Variants in RSPO2 observed in about 807,000 individuals in gnomAD.
RSPO2 encodes R-spondin-2.
A neutral mutation model predicts 30.9 loss-of-function variants in RSPO2; 14 were observed. The ratio of observed to expected loss-of-function variants is 0.45; its 90% confidence interval spans 0.30 to 0.71. The LOEUF (loss-of-function observed/expected upper bound fraction) is 0.71. Among genes scored for constraint, RSPO2 ranks in the 30% least tolerant of loss-of-function variants. The pLI, the probability that RSPO2 is intolerant of heterozygous loss-of-function variation, is 0.08. For synonymous variants in RSPO2, 107 were observed against 96.4 expected (o/e 1.11, Z -0.64); for missense variants, 264 against 301.9 (o/e 0.87, Z 0.93).
intron 5 of RSPO2, among the ~76,000 whole-genome samples, chr8:107,949,076 A>C (rs1193891811): frequency 6.7e-6 from 1 of 150,352 alleles, no homozygotes; most frequent in Admixed American, 6.7e-5. Context: ...GAAATAAGTT[A>C]TTTAGTGGTG....
chr8:107,980,035 C>G (rs544601336), intron 3 of RSPO2, among the ~76,000 whole-genome samples: 1 of 152,284 alleles, frequency 6.6e-6, no homozygotes, highest in South Asian at 2.1e-4. Context: ...TCAAGTGACT[C>G]TCTGCTATGA....
At chr8:107,913,497 G>T (rs571491015) in intron 5 of RSPO2, among the ~76,000 whole-genome samples, 16 of 152,152 alleles carry the variant, frequency 1.1e-4, no homozygotes, top group Middle Eastern at 3.4e-3. Flanking sequence ...CAAATATTTT[G>T]GTCACTTCAG....
intron 3 of RSPO2, among the ~76,000 whole-genome samples, chr8:107,971,786 G>A (rs1400441111): frequency 6.6e-6 from 1 of 152,298 alleles, no homozygotes; most frequent in Non-Finnish European, 1.5e-5. Context: ...TTCACTTGCA[G>A]AATCAAGTAC....
intron 3 of RSPO2, among the ~76,000 whole-genome samples, chr8:107,970,155 C>T (rs888150158): frequency 1.3e-5 from 2 of 152,146 alleles, no homozygotes; most frequent in Admixed American, 1.3e-4. Flanking sequence ...GTCTAAACAA[C>T]TCATGTCTGT....
intron 2 of RSPO2, among the ~76,000 whole-genome samples, chr8:108,014,641 C>A (rs1179572888): frequency 1.3e-5 from 2 of 150,956 alleles, no homozygotes; most frequent in Non-Finnish European, 2.9e-5. Flanking sequence ...GGGAGTTGAA[C>A]AATGAGAACA....
At chr8:108,012,667 C>A (rs912879615) in intron 2 of RSPO2, among the ~76,000 whole-genome samples, 3 of 152,104 alleles carry the variant, frequency 2.0e-5, no homozygotes, top group Non-Finnish European at 2.9e-5. Context: ...AGTAGGGGCT[C>A]TATTCCTATG....
At chr8:107,965,535 C>T (rs544881225) in intron 3 of RSPO2, among the ~76,000 whole-genome samples, 1 of 152,106 alleles carries the variant, frequency 6.6e-6, no homozygotes, top group Non-Finnish European at 1.5e-5. Context: ...CCAGAGGGGT[C>T]CACGTGGCAC....
At chr8:107,917,662 T>A (rs1034006943) in intron 5 of RSPO2, among the ~76,000 whole-genome samples, 2 of 152,178 alleles carry the variant, frequency 1.3e-5, no homozygotes, top group African/African-American at 4.8e-5. Context: ...TTATTTGGTA[T>A]GAAAGTCATA....
intron 5 of RSPO2, among the ~76,000 whole-genome samples, chr8:107,948,703 CA>C (rs1293312792): frequency 4.1e-4 from 62 of 151,692 alleles, no homozygotes; most frequent in Middle Eastern, 6.8e-3. Context: ...ACTGAAAATA[CA>C]AAAAAATTAG....
intron 5 of RSPO2, among the ~76,000 whole-genome samples, chr8:107,917,735 C>T (rs902213467): frequency 2.0e-5 from 3 of 152,102 alleles, no homozygotes; most frequent in Admixed American, 2.0e-4. Context: ...TGTATAAATA[C>T]GTTACTGGTG....
chr8:107,927,381 C>G (rs1477545134), intron 5 of RSPO2, among the ~76,000 whole-genome samples: 1 of 152,060 alleles, frequency 6.6e-6, no homozygotes, highest in Non-Finnish European at 1.5e-5. Flanking sequence ...AATTGAATAC[C>G]CTTTATTTCT....
At chr8:108,054,075 T>C (rs1812159287) in intron 2 of RSPO2, among the ~76,000 whole-genome samples, 1 of 152,158 alleles carries the variant, frequency 6.6e-6, no homozygotes, top group Admixed American at 6.5e-5. Flanking sequence ...AAATTATTTA[T>C]TGGATACCTG....
At chr8:107,957,682 C>CCA (rs1813472456) in intron 5 of RSPO2, among the ~76,000 whole-genome samples, 2 of 152,260 alleles carry the variant, frequency 1.3e-5, no homozygotes, top group South Asian at 4.2e-4. Context: ...TTTACAGACT[C>CCA]CATAAACCTT....
intron 2 of RSPO2, among the ~76,000 whole-genome samples, chr8:107,999,159 A>T (rs1815137602): frequency 6.6e-6 from 1 of 152,180 alleles, no homozygotes; most frequent in Non-Finnish European, 1.5e-5. Context: ...CCCGAGAAGC[A>T]TTAACTTTGA....
chr8:108,005,959 C>T (rs556004806), intron 2 of RSPO2, among the ~76,000 whole-genome samples: 21 of 152,086 alleles, frequency 1.4e-4, no homozygotes, highest in South Asian at 8.3e-4. Flanking sequence ...ATAGCAAAAA[C>T]GAAAGGAGTC....
chr8:107,921,277 TACAC>T (rs71308759), intron 5 of RSPO2, among the ~76,000 whole-genome samples: 10,081 of 148,758 alleles, frequency 0.068, 454 homozygotes, highest in African/African-American at 0.12. Context: ...TAGCAGATTT[TACAC>T]ACACACACAC....
chr8:107,946,748 T>C (rs1813072542), intron 5 of RSPO2, among the ~76,000 whole-genome samples: 1 of 152,230 alleles, frequency 6.6e-6, no homozygotes, highest in South Asian at 2.1e-4. Context: ...TTACATGTCA[T>C]ACATGACTAA....
chr8:107,931,487 G>A (rs1005245276), intron 5 of RSPO2, among the ~76,000 whole-genome samples: 1 of 151,968 alleles, frequency 6.6e-6, no homozygotes, highest in Non-Finnish European at 1.5e-5. Flanking sequence ...GAAATTAACT[G>A]AATCATTTGT....
intron 2 of RSPO2, among the ~76,000 whole-genome samples, chr8:107,990,219 C>T (rs1814801582): frequency 6.6e-6 from 1 of 151,650 alleles, no homozygotes; most frequent in Non-Finnish European, 1.5e-5. Context: ...AACTGTAGCA[C>T]AAAACAAGAT....
Sources: allele counts gnomAD v4.1 joint callset (sites outside exome capture counted in the v4.1 genomes callset), GRCh38; gene constraint gnomAD v4.1.1; transcripts MANE v1.5; gene names NCBI Gene and HGNC (gene_info 2026-07-23, HGNC 2026-07-21).